HMCN1: variants seen among roughly 807,000 people sequenced by gnomAD.
The protein encoded by HMCN1 is hemicentin 1.
In HMCN1, 321 loss-of-function variants were observed where a neutral mutation model predicts 625.9. The ratio of observed to expected loss-of-function variants is 0.51; its 90% CI spans 0.47 to 0.56. The LOEUF is 0.56. HMCN1 is among the 20% of genes least tolerant of loss of function. HMCN1 has a pLI of 0.00. For synonymous variants in HMCN1, 2,425 were observed against 2,417.6 expected (o/e 1.00, Z -0.09); for missense variants, 6,588 against 6,887.3 (o/e 0.96, Z 1.54).
chr1:185,993,074 G>C (rs1199007206), intron 22 of HMCN1, 108 bp from the exon 23 acceptor site: 1 of 1,079,504 alleles, frequency 9.3e-7, no homozygotes, highest in Non-Finnish European at 1.4e-6. Context: ...TGGGAAAATG[G>C]TTTAAAAAAC....
In HMCN1 at chr1:186,190,636, T is replaced by C. The variant is rs1653666421; in HGVS notation, c.*758T>C. On this transcript the variant is annotated 3_prime_UTR_variant, in exon 107 of 107. Coordinates refer to ENST00000271588, the MANE Select transcript of HMCN1 (RefSeq NM_031935.3). ...TTTCATCCAGTTAGCTTCATAACTT[T>C]TACGTTCCAGAATTTTGTTTATTTT... 5.2e-6 allele frequency: 1 copy of C among 192,408 alleles called. No homozygotes were observed. Among genetic ancestry groups the C allele is most frequent in the South Asian group, 1.9e-4 (1 of 5,196 alleles). 11.9% of individuals were successfully genotyped at this position (192,408 alleles called of 1,614,324 possible).
In HMCN1 at chr1:186,078,166, G is replaced by A. The variant is rs1448766237; in HGVS notation, c.8545G>A (p.Val2849Met). 1 of 1,613,906 alleles carries A rather than the reference G, an allele frequency of 6.2e-7. No individual in the cohort carries two copies. The highest frequency in any genetic ancestry group is 8.5e-7 in the Non-Finnish European group (1 of 1,179,900). ...KVEDAGRYTCVAVNEAGEDSL... is the reference protein window; with the variant it reads ...KVEDAGRYTCMAVNEAGEDSL... ...AGAAGATGCTGGGAGATACACATGT[G>A]TGGCTGTGAATGAGGCTGGAGAAGA... The change falls in exon 55 of 107, where the codon GTG (valine) becomes ATG (methionine). Residue 2849 changes from valine to methionine, a missense_variant. Coordinates refer to ENST00000271588, the MANE Select transcript of HMCN1 (RefSeq NM_031935.3).
Position 185,752,540 on chromosome 1 carries a change from G to T in HMCN1, c.268+17493G>T, listed in dbSNP as rs532110440. On this transcript the variant is annotated intron_variant, in intron 1 of 106. Coordinates refer to ENST00000271588, the MANE Select transcript of HMCN1 (RefSeq NM_031935.3). The stretch of plus-strand genomic sequence containing the variant: ...TCTTTAAAAGGAAATTCTATATTTT[G>T]CCCAGTGTTTCTGTTTTGGAGGAAG... 2.6e-5 allele frequency among the ~76,000 whole-genome samples: 4 copies of T among 152,074 alleles called. No individual in the cohort carries two copies. The East Asian group carries it at 7.7e-4, about 29-fold the overall frequency.
chr1:185,805,217 A>AAAAT (rs1276937809), intron 1 of HMCN1, among the ~76,000 whole-genome samples: 4 of 152,216 alleles, frequency 2.6e-5, no homozygotes, highest in African/African-American at 9.6e-5. Flanking sequence ...TAAAGACATT[A>AAAAT]AAATACTTTT....
chr1:186,083,303 T>A (rs1440769878), intron 57 of HMCN1, among the ~76,000 whole-genome samples: 1 of 152,066 alleles, frequency 6.6e-6, no homozygotes, highest in Non-Finnish European at 1.5e-5. Flanking sequence ...TATCCACTAG[T>A]CATGATTGGA....
chr1:186,110,977 C>CTTTTTCTTTTTTTTTTTTTT (rs1660848196), intron 71 of HMCN1, among the ~76,000 whole-genome samples: 1 of 61,648 alleles, frequency 1.6e-5, no homozygotes, highest in African/African-American at 9.8e-5. Flanking sequence ...AGAGAAAATT[C>CTTTTTCTTTTTTTTTTTTTT]TTTTTTTTTT....
intron 5 of HMCN1, 36 bp downstream of exon 5, chr1:185,909,544 A>G (rs1465068576): frequency 3.2e-6 from 5 of 1,554,368 alleles, no homozygotes; most frequent in Non-Finnish European, 4.4e-6. Context: ...TAAAATACAA[A>G]ATACATAGAG....
intron 1 of HMCN1, among the ~76,000 whole-genome samples, chr1:185,790,350 A>C (rs1310057389): frequency 6.6e-6 from 1 of 152,084 alleles, no homozygotes; most frequent in African/African-American, 2.4e-5. Flanking sequence ...TGTCAGTCTC[A>C]TTTTTCTTCT....
chr1:186,004,610 C>A (rs1346268139), intron 29 of HMCN1, among the ~76,000 whole-genome samples: 2 of 151,634 alleles, frequency 1.3e-5, no homozygotes, highest in African/African-American at 4.8e-5. Flanking sequence ...CTCATATAGG[C>A]AAAAAAGCAA....
intron 1 of HMCN1, among the ~76,000 whole-genome samples, chr1:185,805,852 T>C (rs748772265): frequency 6.6e-6 from 1 of 152,196 alleles, no homozygotes; most frequent in Non-Finnish European, 1.5e-5. Context: ...GAGCTGATTC[T>C]GGTGCAGACA....
chr1:186,019,689 C>A lies in HMCN1; in HGVS notation c.5619C>A (p.Asn1873Lys). ...DDQPVNTAQGNLKIQSSGRVL... is the reference protein window; with the variant it reads ...DDQPVNTAQGKLKIQSSGRVL... ...AGCCTGTGAACACTGCCCAAGGAAA[C>A]CTTAAAGTAAGTGTAAATATTACTC... Residue 1873 changes from asparagine (N) to lysine (K), a missense_variant, in exon 35 of 107, where the codon AAC becomes AAA. By Grantham distance (94) the Asn-to-Lys change is moderately conservative. Transcript: ENST00000271588. 6.2e-7 allele frequency: 1 copy of A among 1,611,178 alleles called. No individual in the cohort carries two copies. The highest frequency in any genetic ancestry group is 8.5e-7 in the Non-Finnish European group (1 of 1,177,886).
At chr1:186,007,025 T>C in intron 29 of HMCN1, 103 bp from the exon 30 acceptor site, 1 of 893,986 alleles carries the variant, frequency 1.1e-6, no homozygotes, top group Non-Finnish European at 1.8e-6. Context: ...TTAAATTAAC[T>C]TTTACTTGTA....
chr1:186,160,845 GT>G (rs1488087824), intron 97 of HMCN1, among the ~76,000 whole-genome samples: 1 of 150,748 alleles, frequency 6.6e-6, no homozygotes, highest in Admixed American at 6.6e-5. Context: ...TTCCAAGTAT[GT>G]GGTCAATTTT....
chr1:186,024,436 C>A (rs1654928786), intron 36 of HMCN1, among the ~76,000 whole-genome samples: 2 of 152,220 alleles, frequency 1.3e-5, no homozygotes, highest in South Asian at 4.1e-4. Context: ...GGCTCGTTCT[C>A]TTCTCCTTCT....
At chr1:186,040,595 T>C (rs1439162408) in intron 39 of HMCN1, among the ~76,000 whole-genome samples, 2 of 152,162 alleles carry the variant, frequency 1.3e-5, no homozygotes, top group Non-Finnish European at 2.9e-5. Context: ...TAAAGGATAA[T>C]CAAGGTAGCT....
chr1:185,937,103 G>GCTTT (rs1667850367), intron 11 of HMCN1, among the ~76,000 whole-genome samples: 2 of 152,342 alleles, frequency 1.3e-5, no homozygotes, highest in South Asian at 4.1e-4. Flanking sequence ...AGAAATGGAT[G>GCTTT]CTTTGAAAGC....
Position 186,130,557 on chromosome 1 carries a change from G to C in HMCN1, c.13090G>C (p.Gly4364Arg). Residue 4364 changes from glycine (G) to arginine (R), a missense_variant, in exon 85 of 107, where the codon GGT becomes CGT. Physicochemically the swap from Gly to Arg is moderately radical, Grantham distance 125. Coordinates refer to ENST00000271588, the MANE Select transcript of HMCN1 (RefSeq NM_031935.3). Reference sequence around the variant, plus strand: ...TCCTTCTAACTGGATTGAACCACTTGGTGGGAATGCAATCCTGAATTGTGA... The same window carrying C: ...TCCTTCTAACTGGATTGAACCACTTCGTGGGAATGCAATCCTGAATTGTGA... ...DYPSNWIEPL[G>R]GNAILNCEVK... is the part of the protein sequence containing the mutation. The C allele has an allele frequency of 6.2e-7, 1 of 1,613,546 alleles. No homozygotes were observed. The highest frequency in any genetic ancestry group is 8.5e-7 in the Non-Finnish European group (1 of 1,179,618).
At chr1:186,159,426 A>G (rs1472966283) in intron 97 of HMCN1, among the ~76,000 whole-genome samples, 1 of 151,912 alleles carries the variant, frequency 6.6e-6, no homozygotes. Context: ...TCTCCTGCCT[A>G]ATTGCCCTGG....
chr1:185,826,874 G>A (rs1323322860), intron 1 of HMCN1, among the ~76,000 whole-genome samples: 1 of 152,042 alleles, frequency 6.6e-6, no homozygotes. Flanking sequence ...AAACTCACCA[G>A]TTTCAATACT....
Sources: gnomAD v4.1 joint callset for allele counts (sites outside exome capture counted in the v4.1 genomes callset) on GRCh38, gnomAD v4.1.1 for gene constraint, MANE v1.5 for transcripts, NCBI Gene and HGNC (gene_info 2026-07-23, HGNC 2026-07-21) for gene names.